The following APAF1 variants were observed in gnomAD, a reference collection of about 807,000 sequenced individuals.
The protein encoded by APAF1 is apoptotic peptidase activating factor 1.
Under a neutral mutation model 152.4 loss-of-function variants are expected in APAF1, and 91 were observed. The observed-to-expected ratio is 0.60, with a 90% CI of 0.50 to 0.71. APAF1 has a LOEUF of 0.71. Ranked by LOEUF, APAF1 falls within the 30% of genes least tolerant of loss-of-function variation. APAF1 has a pLI of 0.00. For synonymous variants in APAF1, 484 were observed against 494.1 expected, an observed-to-expected ratio of 0.98 and a Z score of 0.27; for missense variants, 1,283 against 1,472.0, an observed-to-expected ratio of 0.87 and a Z score of 2.10.
chr12:98,687,645 A>G (rs976146184), intron 16 of APAF1, among the ~76,000 whole-genome samples: 11 of 152,086 alleles, frequency 7.2e-5, no homozygotes, highest in African/African-American at 2.4e-4. Context: ...AACCTAGGTA[A>G]TAGCATTAAT....
At chr12:98,653,621 C>T (rs1475040796) in intron 4 of APAF1, among the ~76,000 whole-genome samples, 4 of 125,246 alleles carry the variant, frequency 3.2e-5, no homozygotes, top group African/African-American at 1.3e-4. Context: ...TGCACCACTG[C>T]TCTCCATCCT....
intron 16 of APAF1, among the ~76,000 whole-genome samples, chr12:98,689,476 G>C (rs1005774597): frequency 4.3e-4 from 62 of 142,974 alleles, no homozygotes; most frequent in African/African-American, 1.4e-3. Context: ...GTGTGTGTCT[G>C]TGTGTGTGTG....
At chr12:98,722,916 T>C (rs1418943080) in intron 22 of APAF1, among the ~76,000 whole-genome samples, 2 of 152,098 alleles carry the variant, frequency 1.3e-5, no homozygotes, top group East Asian at 1.9e-4. Context: ...TTTTTTTTTT[T>C]CTATCTTCTG....
At chr12:98,656,991 G>T (rs977060846) in intron 4 of APAF1, among the ~76,000 whole-genome samples, 1 of 152,194 alleles carries the variant, frequency 6.6e-6, no homozygotes, top group Non-Finnish European at 1.5e-5. Context: ...CACTCTTAGT[G>T]ATTTTGATAC....
At chr12:98,717,396 A>G (rs1476044842) in intron 22 of APAF1, among the ~76,000 whole-genome samples, 1 of 150,024 alleles carries the variant, frequency 6.7e-6, no homozygotes, top group Non-Finnish European at 1.5e-5. Context: ...TTTTTTTGAG[A>G]CGGAGTTTCA....
At chr12:98,717,072 G>T (rs2097735627) in intron 22 of APAF1, among the ~76,000 whole-genome samples, 1 of 151,818 alleles carries the variant, frequency 6.6e-6, no homozygotes, top group African/African-American at 2.4e-5. Flanking sequence ...ATTCCACCAT[G>T]CTGGCCAGGC....
At chr12:98,649,208 A>G (rs1301459367) in intron 3 of APAF1, 1 of 983,908 alleles carries the variant, frequency 1.0e-6, no homozygotes, top group African/African-American at 1.7e-5. Flanking sequence ...AGTCTTCAAT[A>G]TGAGAGGGAA....
At position 98,712,375 on chromosome 12, in the gene APAF1, CT is replaced by C. The variant is rs2097728950; in HGVS notation, c.2899del (p.Cys967ValfsTer3). 6.2e-7 allele frequency: 1 copy of C among 1,613,540 alleles called. No individual in the cohort carries two copies. Among genetic ancestry groups the C allele is most frequent in the Admixed American group, 1.7e-5 (1 of 59,990 alleles). ...DYLTEAQVSC[C>X]CLSPHLQYIA... ...ATCTGACTGAAGCTCAAGTTAGCTG[CT>C]GTTGCTTAAGTCCACATCTTCAGTA... On this transcript the variant is annotated frameshift_variant, in exon 21 of 27. Transcript: ENST00000551964. LOFTEE classifies it high-confidence loss of function.
intron 22 of APAF1, among the ~76,000 whole-genome samples, chr12:98,716,604 A>G (rs974595373): frequency 1.3e-5 from 2 of 152,158 alleles, no homozygotes; most frequent in Non-Finnish European, 2.9e-5. Context: ...TCTTCATTTT[A>G]TCCCCAGAAT....
chr12:98,670,715 AT>A (rs1331797858), intron 10 of APAF1: 11 of 285,366 alleles, frequency 3.9e-5, no homozygotes, highest in African/African-American at 2.4e-4. Flanking sequence ...AAAAATATTT[AT>A]TTTTATTTTC....
chr12:98,659,470 G>A (rs765741073), intron 5 of APAF1, 127 bp downstream of exon 5: 33 of 1,063,452 alleles, frequency 3.1e-5, no homozygotes, highest in African/African-American at 4.7e-5. Flanking sequence ...GAACCATTGC[G>A]GCCAGGTGCA....
At chr12:98,700,459 A>C (rs2097714181) in intron 17 of APAF1, among the ~76,000 whole-genome samples, 1 of 152,216 alleles carries the variant, frequency 6.6e-6, no homozygotes. Context: ...TTAGTGCTAC[A>C]ATCCTTGGAT....
intron 26 of APAF1, among the ~76,000 whole-genome samples, chr12:98,730,105 T>G (rs988607441): frequency 1.3e-5 from 2 of 152,192 alleles, no homozygotes; most frequent in African/African-American, 4.8e-5. Flanking sequence ...TCAATAAAAA[T>G]TTTTTTAAAA....
chr12:98,730,269 C>G (rs2097758693), intron 26 of APAF1, among the ~76,000 whole-genome samples: 1 of 152,152 alleles, frequency 6.6e-6, no homozygotes. Flanking sequence ...TAAACTAGAA[C>G]TCAGTCTGCT....
chr12:98,707,367 T>C (rs887990590), intron 19 of APAF1, among the ~76,000 whole-genome samples: 1 of 152,202 alleles, frequency 6.6e-6, no homozygotes, highest in Non-Finnish European at 1.5e-5. Flanking sequence ...CCTGTATCTC[T>C]GTTTGTTGAA....
intron 22 of APAF1, 121 bp from the exon 23 acceptor site, chr12:98,723,072 T>G: frequency 9.9e-7 from 1 of 1,013,542 alleles, no homozygotes; most frequent in South Asian, 1.3e-5. Context: ...TATTCCTCTC[T>G]GTTTTACTGA....
intron 24 of APAF1, 104 bp downstream of exon 24, chr12:98,723,868 C>G (rs1593115983): frequency 8.2e-7 from 1 of 1,222,118 alleles, no homozygotes; most frequent in African/African-American, 1.5e-5. Flanking sequence ...CTCTACATGT[C>G]TGTTTCATAT....
At chr12:98,658,341 A>G (rs2097660439) in intron 4 of APAF1, among the ~76,000 whole-genome samples, 1 of 152,200 alleles carries the variant, frequency 6.6e-6, no homozygotes, top group Non-Finnish European at 1.5e-5. Context: ...GGCCATTCCT[A>G]GTGTTTACTA....
rs1304309122 is a variant in APAF1 at position 98,725,498 on chromosome 12, C to T, written c.3414C>T (p.Asp1138=). Reference sequence around the variant, plus strand: ...TGCGCTGCTCTGCCTTCTCTGTGGACAGTACCCTGCTGGCAACGGGAGATG... The same window carrying T: ...TGCGCTGCTCTGCCTTCTCTGTGGATAGTACCCTGCTGGCAACGGGAGATG... The part of the protein sequence containing the change: ...GCVRCSAFSV[D]STLLATGDDN... The change falls in exon 25 of 27, where the codon GAC becomes GAT. Residue 1138 remains aspartate, a synonymous_variant. Transcript: ENST00000551964. 1.2e-6 allele frequency: 2 copies of T among 1,614,150 alleles called. No homozygotes were observed. The highest frequency in any genetic ancestry group is 2.2e-5 in the East Asian group (1 of 44,886).
Sources: gnomAD v4.1 joint callset for allele counts (sites outside exome capture counted in the v4.1 genomes callset) on GRCh38, gnomAD v4.1.1 for gene constraint, MANE v1.5 for transcripts, NCBI Gene and HGNC (gene_info 2026-07-23, HGNC 2026-07-21) for gene names.